The following COL13A1 variants were observed in gnomAD, a reference collection of about 807,000 sequenced individuals.
COL13A1 encodes collagen type XIII alpha 1 chain.
In COL13A1, 89 loss-of-function variants were observed where a neutral mutation model predicts 130.9. That is an observed-to-expected ratio of 0.68 (90% CI 0.57 to 0.81). The LOEUF is 0.81. Ranked by LOEUF, COL13A1 falls within the 30% of genes least tolerant of loss-of-function variation. The pLI is 0.00. For synonymous variants in COL13A1, 402 were observed against 341.6 expected (o/e 1.18, Z -1.95); for missense variants, 879 against 934.6 (o/e 0.94, Z 0.78).
chr10:69,842,082 T>C (rs1851747552), intron 2 of COL13A1, among the ~76,000 whole-genome samples: 1 of 152,190 alleles, frequency 6.6e-6, no homozygotes, highest in African/African-American at 2.4e-5. Context: ...TCAAATCTCA[T>C]CTTGAATTGT....
chr10:69,898,737 C>A lies in COL13A1; in HGVS notation c.725C>A (p.Pro242Gln), dbSNP rs770671266. The A allele has an allele frequency of 1.9e-6, 3 of 1,613,382 alleles. No individual in the cohort carries two copies. Among genetic ancestry groups the A allele is most frequent in the Non-Finnish European group, 1.7e-6 (2 of 1,179,610 alleles). ...LLNSVRLAPPPVIKRRTFQGE... is the reference protein window; with the variant it reads ...LLNSVRLAPPQVIKRRTFQGE... ...AATTCAGTGCGACTGGCTCCACCCC[C>A]GGTCATAAAAAGGCGGACGTTCCAG... Residue 242 changes from proline (P) to glutamine (Q), a missense_variant, in exon 14 of 41, where the codon CCG (proline) becomes CAG (glutamine). This residue lies in a region of COL13A1 where 715 missense variants were observed against 721.0 expected (regional missense o/e 0.99). Transcript: ENST00000645393.
chr10:69,888,005 C>G (rs1199520322), intron 8 of COL13A1, among the ~76,000 whole-genome samples: 1 of 152,192 alleles, frequency 6.6e-6, no homozygotes, highest in Non-Finnish European at 1.5e-5. Context: ...GAACACACCA[C>G]CTACTCTGCA....
chr10:69,899,211 T>A (rs2135011855), intron 14 of COL13A1, among the ~76,000 whole-genome samples: 1 of 152,354 alleles, frequency 6.6e-6, no homozygotes, highest in Non-Finnish European at 1.5e-5. Flanking sequence ...TTGGGGCAAG[T>A]TACTTGACCT....
At chr10:69,917,899 C>G (rs1215039119) in intron 18 of COL13A1, among the ~76,000 whole-genome samples, 1 of 152,016 alleles carries the variant, frequency 6.6e-6, no homozygotes, top group East Asian at 1.9e-4. Context: ...ATTCTCCTGC[C>G]GTCTCCCTTC....
At position 69,802,036 on chromosome 10, in the gene COL13A1, A is replaced by C; in HGVS notation, c.-388A>C. On this transcript the variant is annotated 5_prime_UTR_variant, in exon 1 of 41. Transcript: ENST00000645393. Reference sequence around the variant, plus strand: ...TCCGTGTGCGCCCCTTCGCCCGGGGACTGAAACTGACTGGCCCGGGAGACA... The same window carrying C: ...TCCGTGTGCGCCCCTTCGCCCGGGGCCTGAAACTGACTGGCCCGGGAGACA... 5.6e-6 allele frequency: 1 copy of C among 177,966 alleles called. No homozygotes were observed. Among genetic ancestry groups the C allele is most frequent in the Non-Finnish European group, 1.2e-5 (1 of 85,742 alleles). 11.0% of individuals were successfully genotyped at this position (177,966 alleles called of 1,614,324 possible).
chr10:69,927,350 C>T (rs2065503989), intron 27 of COL13A1, among the ~76,000 whole-genome samples: 1 of 152,164 alleles, frequency 6.6e-6, no homozygotes, highest in South Asian at 2.1e-4. Flanking sequence ...TGTAAAGGCT[C>T]TTCACCAATA....
chr10:69,915,322 C>G (rs557491342), intron 17 of COL13A1, among the ~76,000 whole-genome samples: 1 of 152,188 alleles, frequency 6.6e-6, no homozygotes, highest in Non-Finnish European at 1.5e-5. Context: ...CTAGAGCAAG[C>G]CTTGGGCTCT....
chr10:69,900,564 C>A (rs1053942908), intron 14 of COL13A1, among the ~76,000 whole-genome samples: 3 of 152,298 alleles, frequency 2.0e-5, no homozygotes, highest in African/African-American at 7.2e-5. Context: ...ATGCTGTCAG[C>A]CACTATGGGA....
chr10:69,897,621 C>T (rs1181580335), intron 13 of COL13A1: 1 of 1,436,218 alleles, frequency 7.0e-7, no homozygotes, highest in Admixed American at 1.8e-5. Flanking sequence ...CAGGCCCCGG[C>T]AGTGGGAGCG....
intron 30 of COL13A1, among the ~76,000 whole-genome samples, chr10:69,932,258 T>A (rs1049118309): frequency 2.6e-5 from 4 of 152,182 alleles, no homozygotes; most frequent in Non-Finnish European, 5.9e-5. Flanking sequence ...ATCTGCAACA[T>A]AATCATAGAA....
chr10:69,833,219 C>T (rs1237473689), intron 2 of COL13A1, among the ~76,000 whole-genome samples: 1 of 152,214 alleles, frequency 6.6e-6, no homozygotes, highest in Non-Finnish European at 1.5e-5. Flanking sequence ...AGCACCTGCC[C>T]TGTGAGGGTG....
chr10:69,832,627 T>C (rs1849088729), intron 2 of COL13A1, among the ~76,000 whole-genome samples: 1 of 152,142 alleles, frequency 6.6e-6, no homozygotes, highest in Non-Finnish European at 1.5e-5. Flanking sequence ...AATAAAGGGC[T>C]GTGGACAGGG....
chr10:69,938,459 G>A (rs919295966), intron 34 of COL13A1, among the ~76,000 whole-genome samples: 2 of 152,232 alleles, frequency 1.3e-5, no homozygotes, highest in East Asian at 1.9e-4. Flanking sequence ...GGATGTTAGC[G>A]ATCCATCCCA....
intron 38 of COL13A1, among the ~76,000 whole-genome samples, chr10:69,951,368 A>AT (rs1393666841): frequency 7.9e-5 from 12 of 151,030 alleles, no homozygotes; most frequent in South Asian, 4.2e-4. Context: ...AACTCACAAC[A>AT]TTTTTTTTTC....
chr10:69,912,549 CCCCA>C, intron 17 of COL13A1, among the ~76,000 whole-genome samples: 1 of 150,464 alleles, frequency 6.6e-6, no homozygotes, highest in South Asian at 2.1e-4. Flanking sequence ...ACCGACCGCC[CCCCA>C]CCCCCACCCC....
At chr10:69,935,310 G>A (rs1279255565) in intron 31 of COL13A1, 40 bp from the exon 32 acceptor site, 14 of 1,551,602 alleles carry the variant, frequency 9.0e-6, no homozygotes, top group Non-Finnish European at 1.1e-5. Flanking sequence ...CAGGAGGGAG[G>A]GCCACTTCAA....
intron 4 of COL13A1, 130 bp from the exon 5 acceptor site, chr10:69,874,998 C>T (rs1297873174): frequency 2.4e-5 from 25 of 1,026,462 alleles, no homozygotes; most frequent in South Asian, 4.3e-5. Flanking sequence ...GGGCATCATA[C>T]GGGATGTCGT....
intron 2 of COL13A1, among the ~76,000 whole-genome samples, chr10:69,839,796 C>CAG (rs1160753476): frequency 1.2e-4 from 19 of 152,224 alleles, no homozygotes; most frequent in African/African-American, 3.4e-4. Context: ...AGGGAGAGAG[C>CAG]AGAGAGAGAG....
At chr10:69,828,278 C>T (rs1042589173) in intron 2 of COL13A1, among the ~76,000 whole-genome samples, 2 of 152,052 alleles carry the variant, frequency 1.3e-5, no homozygotes, top group African/African-American at 4.8e-5. Flanking sequence ...TCCTCCCCAC[C>T]CCCATCTCTT....
Sources: gnomAD v4.1 joint callset for allele counts (sites outside exome capture counted in the v4.1 genomes callset) on GRCh38, gnomAD v4.1.1 for gene constraint, gnomAD v4.1.1 regional missense constraint, MANE v1.5 for transcripts, NCBI Gene and HGNC (gene_info 2026-07-23, HGNC 2026-07-21) for gene names.